DRC5: variants seen among roughly 807,000 people sequenced by gnomAD.
DRC5 encodes the protein dynein regulatory complex subunit 5, also known as T-complex-associated testis-expressed protein 1.
the DRC5 span, chr6:44,282,595 C>G: frequency 6.5e-7 from 1 of 1,534,072 alleles, no homozygotes; most frequent in East Asian, 2.3e-5. Context: ...CAACTGCCAG[C>G]CAGGGATAAT....
At chr6:44,286,465 G>T in the DRC5 span, 5 of 1,614,084 alleles carry the variant, frequency 3.1e-6, no homozygotes, top group Non-Finnish European at 4.2e-6. Flanking sequence ...CCAGTGGTAG[G>T]TCAGGGGACA....
the DRC5 span, chr6:44,288,028 A>C: frequency 1.8e-6 from 1 of 557,640 alleles, no homozygotes; most frequent in Non-Finnish European, 3.0e-6. Flanking sequence ...GGAGTGAAGC[A>C]GATCCAAGTT....
At chr6:44,296,740 T>C in the DRC5 span, among the ~76,000 whole-genome samples, 1 of 148,968 alleles carries the variant, frequency 6.7e-6, no homozygotes, top group African/African-American at 2.5e-5. Context: ...CTGCTCTGAC[T>C]GCCTTCTCTG....
the DRC5 span, among the ~76,000 whole-genome samples, chr6:44,290,843 TCTC>T: frequency 1.3e-5 from 2 of 151,806 alleles, no homozygotes; most frequent in Non-Finnish European, 2.9e-5. Flanking sequence ...TTCTCCTTCT[TCTC>T]CTGGGGAGCC....
the DRC5 span, chr6:44,285,964 C>T: frequency 1.9e-6 from 3 of 1,612,042 alleles, no homozygotes; most frequent in Non-Finnish European, 2.5e-6. Context: ...CAGACAGTAC[C>T]TTGAGGGTGT....
chr6:44,279,740 A>T, the DRC5 span: 1 of 150,014 alleles, frequency 6.7e-6, no homozygotes, highest in African/African-American at 2.6e-5. Flanking sequence ...GCCCTGCTGT[A>T]GCCAGAGGGT....
chr6:44,283,523 CCT>C, the DRC5 span, among the ~76,000 whole-genome samples: 2 of 151,944 alleles, frequency 1.3e-5, no homozygotes, highest in Admixed American at 6.6e-5. Context: ...GAGTGTCTGG[CCT>C]CTCTCTCTCT....
At chr6:44,295,742 C>T in the DRC5 span, among the ~76,000 whole-genome samples, 1 of 152,188 alleles carries the variant, frequency 6.6e-6, no homozygotes, top group Non-Finnish European at 1.5e-5. Flanking sequence ...TGGCTAAGTA[C>T]TCAGGAGTTG....
the DRC5 span, chr6:44,288,005 A>T: frequency 1.4e-6 from 1 of 715,844 alleles, no homozygotes; most frequent in South Asian, 2.2e-5. Flanking sequence ...ATAGTGCTTA[A>T]CGATCAGTCC....
the DRC5 span, among the ~76,000 whole-genome samples, chr6:44,288,993 C>CAAAAAAAAAAAAAAAAA: frequency 4.0e-4 from 13 of 32,814 alleles, 1 homozygote; most frequent in South Asian, 2.2e-3. Flanking sequence ...GACTCTGTCT[C>CAAAAAAAAAAAAAAAAA]AAAAAAAAAA....
At chr6:44,286,503 C>T in the DRC5 span, 1 of 1,613,628 alleles carries the variant, frequency 6.2e-7, no homozygotes, top group Non-Finnish European at 8.5e-7. Flanking sequence ...TGCTGGTGTT[C>T]CGGGAGCATC....
the DRC5 span, among the ~76,000 whole-genome samples, chr6:44,292,448 C>A: frequency 6.6e-6 from 1 of 152,194 alleles, no homozygotes; most frequent in Non-Finnish European, 1.5e-5. Flanking sequence ...ACTCCAGTAA[C>A]CTGACTGCCC....
chr6:44,281,076 T>C, the DRC5 span, among the ~76,000 whole-genome samples: 1 of 152,174 alleles, frequency 6.6e-6, no homozygotes, highest in African/African-American at 2.4e-5. Context: ...TGTGCCTGTG[T>C]AGGTGAGCAA....
the DRC5 span, among the ~76,000 whole-genome samples, chr6:44,289,200 C>G: frequency 6.6e-6 from 1 of 151,474 alleles, no homozygotes; most frequent in African/African-American, 2.4e-5. Flanking sequence ...CCACCCCCAG[C>G]TAATTTTTGT....
At chr6:44,290,237 A>C in the DRC5 span, among the ~76,000 whole-genome samples, 1 of 152,270 alleles carries the variant, frequency 6.6e-6, no homozygotes, top group South Asian at 2.1e-4. Flanking sequence ...TTTGTCAGTT[A>C]TGTGCTTTGT....
chr6:44,285,656 C>A, the DRC5 span, among the ~76,000 whole-genome samples: 843 of 152,324 alleles, frequency 5.5e-3, 12 homozygotes, highest in African/African-American at 0.019. Flanking sequence ...GCCTTTATCC[C>A]ATCAGACTGT....
chr6:44,292,581 T>C, the DRC5 span, among the ~76,000 whole-genome samples: 1 of 152,118 alleles, frequency 6.6e-6, no homozygotes, highest in African/African-American at 2.4e-5. Flanking sequence ...TAGCTGGTGT[T>C]TGGGGCGGCT....
chr6:44,297,081 C>T, the DRC5 span, among the ~76,000 whole-genome samples: 4 of 152,380 alleles, frequency 2.6e-5, no homozygotes, highest in Admixed American at 6.5e-5. Flanking sequence ...CCCCTCCTCC[C>T]TACCTTCAGC....
At chr6:44,293,491 A>G in the DRC5 span, among the ~76,000 whole-genome samples, 1 of 152,120 alleles carries the variant, frequency 6.6e-6, no homozygotes, top group Non-Finnish European at 1.5e-5. Flanking sequence ...CAACCACCCT[A>G]TAATGGAGCT....
Sources: gnomAD v4.1 joint callset for allele counts (sites outside exome capture counted in the v4.1 genomes callset) on GRCh38, gnomAD v4.1.1 for gene constraint, MANE v1.5 for transcripts, NCBI Gene and HGNC (gene_info 2026-07-23, HGNC 2026-07-21) for gene names.